Variants in FIBIN observed in about 807,000 individuals in gnomAD.
FIBIN encodes fin bud initiation factor homolog, also known as fin bud initiation factor homolog (zebrafish).
FIBIN carries 8 observed loss-of-function variants against 13.0 expected under a neutral mutation model. That is an observed-to-expected ratio of 0.62 (90% CI 0.36 to 1.11). FIBIN has a LOEUF of 1.11. Ranked by LOEUF, FIBIN falls within the 50% of genes most tolerant of loss-of-function variation. The probability of loss-of-function intolerance (pLI) is 0.02; values close to 1 mark genes in which losing one functional copy is unlikely to be tolerated. For missense variants in FIBIN, 261 were observed against 260.2 expected (o/e 1.00, Z -0.02); for synonymous variants, 127 against 114.7 (o/e 1.11, Z -0.69).
Position 26,995,238 on chromosome 11 carries a change from T to C in FIBIN, c.*76T>C. The C allele has an allele frequency of 2.1e-6, 3 of 1,401,242 alleles. No homozygotes were observed. The highest frequency in any genetic ancestry group is 1.9e-6 in the Non-Finnish European group (2 of 1,031,608). 86.8% of individuals were successfully genotyped at this position (1,401,242 alleles called of 1,614,324 possible). A position where few individuals can be genotyped will look rare whatever the true frequency, so the allele number is the denominator to read the frequency against. On this transcript the variant is annotated 3_prime_UTR_variant, in exon 1 of 1. Transcript: ENST00000318627. ...GAGGGTGGGGGACAGAAGATGGGGCTACATTTCCCCCATACCTACTATTTT... is the reference window on the plus strand; with the variant it reads ...GAGGGTGGGGGACAGAAGATGGGGCCACATTTCCCCCATACCTACTATTTT...
Position 26,994,432 on chromosome 11 carries a change from G to A in FIBIN, c.-95G>A, listed in dbSNP as rs1850899774. The A allele has an allele frequency of 1.6e-6, 2 of 1,256,648 alleles. No individual in the cohort carries two copies. Among genetic ancestry groups the A allele is most frequent in the African/African-American group, 3.0e-5 (2 of 66,622 alleles). The allele number at this position is 1,256,648 out of a possible 1,614,324, so 77.8% of individuals were successfully genotyped here. A position where few individuals can be genotyped will look rare whatever the true frequency, so the allele number is the denominator to read the frequency against. ...GCCAGCTGGGACTGAGGCGGACGCT[G>A]TCTCAGGGAGACGCTGACTCGCAAA... On this transcript the variant is annotated 5_prime_UTR_variant, in exon 1 of 1. Transcript: ENST00000318627.
chr11:26,994,426 G>T lies in FIBIN; in HGVS notation c.-101G>T. 4 of 1,189,416 alleles carry T rather than the reference G, an allele frequency of 3.4e-6. No homozygotes were observed. The highest frequency in any genetic ancestry group is 4.7e-6 in the Non-Finnish European group (4 of 844,110). 73.7% of individuals were successfully genotyped at this position (1,189,416 alleles called of 1,614,324 possible). On this transcript the variant is annotated 5_prime_UTR_variant, in exon 1 of 1. Transcript: ENST00000318627. ...CAGCAAGCCAGCTGGGACTGAGGCG[G>T]ACGCTGTCTCAGGGAGACGCTGACT...
At position 26,995,670 on chromosome 11, in the gene FIBIN, T is replaced by C. The variant is rs1590142696; in HGVS notation, c.*508T>C. On this transcript the variant is annotated 3_prime_UTR_variant, in exon 1 of 1. Coordinates refer to ENST00000318627, the MANE Select transcript of FIBIN (RefSeq NM_203371.2). ...CATGCCTGCCAACCCATGGAAGTTGTTTCTTACTTCTTTTCTCTCTTATTT... is the reference window on the plus strand; with the variant it reads ...CATGCCTGCCAACCCATGGAAGTTGCTTCTTACTTCTTTTCTCTCTTATTT... 1 of 167,420 alleles carries C rather than the reference T, an allele frequency of 6.0e-6. No individual in the cohort carries two copies. Among genetic ancestry groups the C allele is most frequent in the Non-Finnish European group, 1.5e-5 (1 of 68,412 alleles). 10.4% of individuals were successfully genotyped at this position (167,420 alleles called of 1,614,324 possible). A position where few individuals can be genotyped will look rare whatever the true frequency, so the allele number is the denominator to read the frequency against.
At position 26,995,191 on chromosome 11, in the gene FIBIN, G is replaced by A; in HGVS notation, c.*29G>A. On this transcript the variant is annotated 3_prime_UTR_variant, in exon 1 of 1. Coordinates refer to ENST00000318627, the MANE Select transcript of FIBIN (RefSeq NM_203371.2). Reference sequence around the variant, plus strand: ...GAAGGATACAAATGCTAGAAAGAGGGAATCAAATCAGCCCCGTTTTGGAGG... The same window carrying A: ...GAAGGATACAAATGCTAGAAAGAGGAAATCAAATCAGCCCCGTTTTGGAGG... 1.3e-6 allele frequency: 2 copies of A among 1,551,412 alleles called. No homozygotes were observed. Among genetic ancestry groups the A allele is most frequent in the Non-Finnish European group, 1.7e-6 (2 of 1,149,526 alleles).
At position 26,994,792 on chromosome 11, in the gene FIBIN, G is replaced by A; in HGVS notation, c.266G>A (p.Arg89His). ...CGGGAGGAGTTCACCGTGCTGGGCC[G>A]CCAGGTGGAGGATGCTGGGCGCGTG... ...TLREEFTVLGRQVEDAGRVLE... is the reference protein window; with the variant it reads ...TLREEFTVLGHQVEDAGRVLE... The change falls in exon 1 of 1, where the codon CGC becomes CAC. Residue 89 changes from arginine to histidine, a missense_variant. Coordinates refer to ENST00000318627, the MANE Select transcript of FIBIN (RefSeq NM_203371.2). 2 of 1,608,732 alleles carry A rather than the reference G, an allele frequency of 1.2e-6. No individual in the cohort carries two copies. The highest frequency in any genetic ancestry group is 1.1e-5 in the South Asian group (1 of 90,696).
Position 26,994,851 on chromosome 11 carries a change from C to T in FIBIN, c.325C>T (p.Leu109=). Residue 109 remains leucine (L), a synonymous_variant, in exon 1 of 1, where the codon CTA becomes TTA. Coordinates refer to ENST00000318627, the MANE Select transcript of FIBIN (RefSeq NM_203371.2). ...EGISKSISYD[L]DGEESYGKYL... is the part of the protein sequence containing the mutation. ...CATCAGCAAAAGCATCTCCTACGAC[C>T]TAGACGGGGAAGAGAGCTATGGCAA... The T allele has an allele frequency of 1.3e-6, 2 of 1,597,400 alleles. No individual in the cohort carries two copies. Among genetic ancestry groups the T allele is most frequent in the Middle Eastern group, 1.7e-4 (1 of 5,944 alleles).
In FIBIN at chr11:26,994,207, G is replaced by A. The variant is rs1164164923; in HGVS notation, c.-320G>A. ...TCTCCCGGGAGCAAGGGGAAACTCC[G>A]AGAGGAGGGCAACAGAGCCAGCATC... On this transcript the variant is annotated 5_prime_UTR_variant, in exon 1 of 1. Transcript: ENST00000318627. 3.3e-6 allele frequency: 1 copy of A among 299,196 alleles called. No individual in the cohort carries two copies. Among genetic ancestry groups the A allele is most frequent in the African/African-American group, 2.2e-5 (1 of 46,434 alleles). 18.5% of individuals were successfully genotyped at this position (299,196 alleles called of 1,614,324 possible).
rs753830629 is a variant in FIBIN at position 26,994,919 on chromosome 11, C to T, written c.393C>T (p.Ser131=). The T allele has an allele frequency of 5.6e-6, 9 of 1,608,454 alleles. No individual in the cohort carries two copies. In the South Asian group the frequency reaches 1.0e-4, roughly 18 times the overall value. ...CCCACCAGATCGGGGATGCCTACTC[C>T]AACTCGGACAAATCCCTCACTGAGC... ...RESHQIGDAY[S]NSDKSLTELE... is the part of the protein sequence containing the mutation. The change falls in exon 1 of 1, where the codon TCC becomes TCT. Residue 131 remains serine, a synonymous_variant. Transcript: ENST00000318627.
In FIBIN at chr11:26,996,408, T is replaced by G. The variant is rs578083315; in HGVS notation, c.*1246T>G. On this transcript the variant is annotated 3_prime_UTR_variant, in exon 1 of 1. Coordinates refer to ENST00000318627, the MANE Select transcript of FIBIN (RefSeq NM_203371.2). ...TCATAAATTCAATTGCAAAAGTTTC[T>G]GACAAGGCTCATACCCTGTACCCTT... Among the ~76,000 whole-genome samples, 52 of 152,324 alleles carry G rather than the reference T, an allele frequency of 3.4e-4. No homozygotes were observed. Among genetic ancestry groups the G allele is most frequent in the African/African-American group, 1.2e-3 (51 of 41,582 alleles).
In FIBIN at chr11:26,996,560, C is replaced by T. The variant is rs890248203; in HGVS notation, c.*1398C>T. ...CACTTTATTTAATGTCTTTCCCTAG[C>T]TAATTCTTACTCTCACCTTAAATAT... On this transcript the variant is annotated 3_prime_UTR_variant, in exon 1 of 1. Coordinates refer to ENST00000318627, the MANE Select transcript of FIBIN (RefSeq NM_203371.2). Among the ~76,000 whole-genome samples, 2 of 152,056 alleles carry T rather than the reference C, an allele frequency of 1.3e-5. No individual in the cohort carries two copies. Among genetic ancestry groups the T allele is most frequent in the African/African-American group, 4.8e-5 (2 of 41,430 alleles).
Position 26,994,908 on chromosome 11 carries a change from G to C in FIBIN, c.382G>C (p.Asp128His), listed in dbSNP as rs774606887. 3.7e-6 allele frequency: 6 copies of C among 1,605,966 alleles called. No homozygotes were observed. Among genetic ancestry groups the C allele is most frequent in the Non-Finnish European group, 5.1e-6 (6 of 1,175,728 alleles). ...YLRRESHQIG[D>H]AYSNSDKSLT... The stretch of plus-strand genomic sequence containing the variant: ...GCGGCGGGAGTCCCACCAGATCGGG[G>C]ATGCCTACTCCAACTCGGACAAATC... Residue 128 changes from aspartate (D) to histidine (H), a missense_variant, in exon 1 of 1, where the codon GAT (aspartate) becomes CAT (histidine). Transcript: ENST00000318627.
In FIBIN at chr11:26,995,231, A is replaced by T; in HGVS notation, c.*69A>T. The stretch of plus-strand genomic sequence containing the variant: ...CGTTTTGGAGGGTGGGGGACAGAAG[A>T]TGGGGCTACATTTCCCCCATACCTA... On this transcript the variant is annotated 3_prime_UTR_variant, in exon 1 of 1. Coordinates refer to ENST00000318627, the MANE Select transcript of FIBIN (RefSeq NM_203371.2). 2 of 1,441,460 alleles carry T rather than the reference A, an allele frequency of 1.4e-6. No homozygotes were observed. The highest frequency in any genetic ancestry group is 1.9e-6 in the Non-Finnish European group (2 of 1,066,638). The allele number at this position is 1,441,460 out of a possible 1,614,324, so 89.3% of individuals were successfully genotyped here.
chr11:26,994,751 G>C lies in FIBIN; in HGVS notation c.225G>C (p.Leu75=). The change falls in exon 1 of 1, where the codon CTG becomes CTC. Residue 75 remains leucine (L), a synonymous_variant. Transcript: ENST00000318627. The stretch of plus-strand genomic sequence containing the variant: ...GGGAGGGGAGCCAGGTTGGCAGCCT[G>C]CTGAGCCTCACCCTGCGGGAGGAGT... ...SQGEGSQVGS[L]LSLTLREEFT... is the part of the protein sequence containing the mutation. 1 of 1,613,498 alleles carries C rather than the reference G, an allele frequency of 6.2e-7. No homozygotes were observed. Among genetic ancestry groups the C allele is most frequent in the Non-Finnish European group, 8.5e-7 (1 of 1,179,830 alleles).
In FIBIN at chr11:26,994,773, G is replaced by T; in HGVS notation, c.247G>T (p.Glu83Ter). 1 of 1,612,622 alleles carries T rather than the reference G, an allele frequency of 6.2e-7. No homozygotes were observed. The highest frequency in any genetic ancestry group is 8.5e-7 in the Non-Finnish European group (1 of 1,179,154). ...GSLLSLTLRE[E>*]FTVLGRQVED... ...CCTGCTGAGCCTCACCCTGCGGGAG[G>T]AGTTCACCGTGCTGGGCCGCCAGGT... The change falls in exon 1 of 1, where the codon GAG (glutamate) becomes TAG (stop). Residue 83 changes from glutamate to a stop codon, truncating the protein, a stop_gained. Transcript: ENST00000318627. LOFTEE classifies it high-confidence loss of function.
In FIBIN at chr11:26,995,335, G is replaced by C. The variant is rs898278008; in HGVS notation, c.*173G>C. ...CAAAAGAGAAAAATTGGACACTTGA[G>C]TGACTTTGTTTTTAGTTTTGTTTTT... On this transcript the variant is annotated 3_prime_UTR_variant, in exon 1 of 1. Transcript: ENST00000318627. The C allele has an allele frequency of 3.5e-6, 2 of 578,322 alleles. No individual in the cohort carries two copies. The highest frequency in any genetic ancestry group is 1.9e-5 in the African/African-American group (1 of 51,822). 35.8% of individuals were successfully genotyped at this position (578,322 alleles called of 1,614,324 possible). A position where few individuals can be genotyped will look rare whatever the true frequency, so the allele number is the denominator to read the frequency against.
At position 26,994,302 on chromosome 11, in the gene FIBIN, G is replaced by C; in HGVS notation, c.-225G>C. On this transcript the variant is annotated 5_prime_UTR_variant, in exon 1 of 1. Transcript: ENST00000318627. ...GAGGAGTTCCAGTCACCGAGCGAGG[G>C]GCGCAAGGGTGGGTGCATCCTGCGC... is the stretch of plus-strand genomic sequence containing the variant. 1 of 459,554 alleles carries C rather than the reference G, an allele frequency of 2.2e-6. No homozygotes were observed. Among genetic ancestry groups the C allele is most frequent in the Non-Finnish European group, 3.8e-6 (1 of 261,748 alleles). 28.5% of individuals were successfully genotyped at this position (459,554 alleles called of 1,614,324 possible).
At position 26,997,073 on chromosome 11, in the gene FIBIN, T is replaced by A. The variant is rs2133348667; in HGVS notation, c.*1911T>A. Among the ~76,000 whole-genome samples, 1 of 152,298 alleles carries A rather than the reference T, an allele frequency of 6.6e-6. No homozygotes were observed. On this transcript the variant is annotated 3_prime_UTR_variant, in exon 1 of 1. Coordinates refer to ENST00000318627, the MANE Select transcript of FIBIN (RefSeq NM_203371.2). ...ATAACAACAGTGGCAAATAAAATCA[T>A]ATTTGGTACTAAAATGTTTGTAGTT...
At position 26,994,452 on chromosome 11, in the gene FIBIN, C is replaced by T. The variant is rs1296817389; in HGVS notation, c.-75C>T. ...ACGCTGTCTCAGGGAGACGCTGACT[C>T]GCAAAGACACTCCCTTCCTTGTGCC... On this transcript the variant is annotated 5_prime_UTR_variant, in exon 1 of 1. Coordinates refer to ENST00000318627, the MANE Select transcript of FIBIN (RefSeq NM_203371.2). 10 of 1,415,996 alleles carry T rather than the reference C, an allele frequency of 7.1e-6. No individual in the cohort carries two copies. In the African/African-American group the frequency reaches 1.0e-4, roughly 14 times the overall value. The allele number at this position is 1,415,996 out of a possible 1,614,324, so 87.7% of individuals were successfully genotyped here.
At position 26,994,784 on chromosome 11, in the gene FIBIN, G is replaced by C; in HGVS notation, c.258G>C (p.Val86=). Residue 86 remains valine, a synonymous_variant, in exon 1 of 1, where the codon GTG becomes GTC. Transcript: ENST00000318627. ...LSLTLREEFT[V]LGRQVEDAGR... ...TCACCCTGCGGGAGGAGTTCACCGT[G>C]CTGGGCCGCCAGGTGGAGGATGCTG... 6.2e-7 allele frequency: 1 copy of C among 1,610,768 alleles called. No homozygotes were observed. The highest frequency in any genetic ancestry group is 1.3e-5 in the African/African-American group (1 of 74,996).
Sources: allele counts gnomAD v4.1 joint callset (sites outside exome capture counted in the v4.1 genomes callset), GRCh38; gene constraint gnomAD v4.1.1; transcripts MANE v1.5; gene names NCBI Gene and HGNC (gene_info 2026-07-23, HGNC 2026-07-21).